UNC13C: variants seen among roughly 807,000 people sequenced by gnomAD.
The protein encoded by UNC13C is unc-13 homolog C.
A neutral mutation model predicts 245.4 loss-of-function variants in UNC13C; 174 were observed. The observed-to-expected ratio is 0.71, with a 90% CI of 0.63 to 0.80. The LOEUF is 0.80. Among genes scored for constraint, UNC13C ranks in the 30% least tolerant of loss-of-function variants. The pLI is 0.00. For missense variants in UNC13C, 2,829 were observed against 2,602.9 expected (o/e 1.09, Z -1.89); for synonymous variants, 992 against 895.1 (o/e 1.11, Z -1.93).
intron 4 of UNC13C, among the ~76,000 whole-genome samples, chr15:54,225,776 C>T (rs904451139): frequency 1.2e-4 from 19 of 152,122 alleles, no homozygotes; most frequent in Admixed American, 1.2e-3. Flanking sequence ...GACTTCTTGT[C>T]TTCCCATTTG....
chr15:53,951,067 G>A, the UNC13C span, among the ~76,000 whole-genome samples: 10 of 152,150 alleles, frequency 6.6e-5, no homozygotes, highest in African/African-American at 2.4e-4. Flanking sequence ...TGTAAAATAT[G>A]AGCAGTAAAT....
At chr15:53,962,574 C>T in the UNC13C span, among the ~76,000 whole-genome samples, 2 of 152,120 alleles carry the variant, frequency 1.3e-5, no homozygotes, top group Non-Finnish European at 2.9e-5. Context: ...TTCCCTTAGC[C>T]CTAATAGATG....
intron 8 of UNC13C, 123 bp from the exon 9 acceptor site, chr15:54,264,045 C>T: frequency 1.1e-6 from 1 of 919,314 alleles, no homozygotes; most frequent in Non-Finnish European, 1.7e-6. Context: ...TCTAAAAAGC[C>T]ACCTGACTCC....
At chr15:54,465,100 G>A (rs188564393) in intron 19 of UNC13C, among the ~76,000 whole-genome samples, 140 of 151,992 alleles carry the variant, frequency 9.2e-4, no homozygotes, top group Non-Finnish European at 1.4e-3. Flanking sequence ...TCTGCTTTTG[G>A]AATATGCTTG....
intron 6 of UNC13C, 134 bp downstream of exon 6, chr15:54,236,569 G>A: frequency 1.4e-6 from 1 of 706,826 alleles, no homozygotes; most frequent in Non-Finnish European, 2.2e-6. Flanking sequence ...AGTTTGTTCT[G>A]CAAGAATTTA....
chr15:54,263,968 C>A (rs539597364), intron 8 of UNC13C, among the ~76,000 whole-genome samples, 200 bp from the exon 9 acceptor site: 2 of 152,156 alleles, frequency 1.3e-5, no homozygotes, highest in African/African-American at 4.8e-5. Flanking sequence ...GGTCAATTTA[C>A]CTGCCAATAA....
intron 2 of UNC13C, among the ~76,000 whole-genome samples, chr15:54,027,351 A>G (rs1368482081): frequency 6.6e-6 from 1 of 152,040 alleles, no homozygotes; most frequent in Non-Finnish European, 1.5e-5. Flanking sequence ...GTCAAACAAG[A>G]TATCCTGTTG....
At chr15:54,508,131 A>ACT (rs573806392) in intron 23 of UNC13C, among the ~76,000 whole-genome samples, 24 of 151,658 alleles carry the variant, frequency 1.6e-4, no homozygotes, top group Admixed American at 3.3e-4. Flanking sequence ...AACTCAAACA[A>ACT]TTATTTCTTA....
At chr15:53,924,176 C>T in the UNC13C span, among the ~76,000 whole-genome samples, 1 of 152,234 alleles carries the variant, frequency 6.6e-6, no homozygotes, top group East Asian at 1.9e-4. Context: ...CATTGCACTC[C>T]AACCTGGGCA....
chr15:54,401,864 G>C (rs575436058), intron 18 of UNC13C, among the ~76,000 whole-genome samples: 32 of 152,116 alleles, frequency 2.1e-4, no homozygotes, highest in Admixed American at 3.9e-4. Flanking sequence ...CTTTTCTTGG[G>C]TTCCAGTACA....
chr15:54,322,349 A>G (rs1596217401), intron 14 of UNC13C, among the ~76,000 whole-genome samples: 1 of 152,072 alleles, frequency 6.6e-6, no homozygotes, highest in African/African-American at 2.4e-5. Context: ...CATACATTTT[A>G]TAAGAGAATG....
intron 19 of UNC13C, among the ~76,000 whole-genome samples, chr15:54,470,667 TC>T (rs2141042200): frequency 6.6e-6 from 1 of 151,548 alleles, no homozygotes; most frequent in African/African-American, 2.4e-5. Flanking sequence ...TAAGATTTTT[TC>T]AATTTTGTTT....
the UNC13C span, among the ~76,000 whole-genome samples, chr15:53,936,220 G>A: frequency 1.9e-4 from 29 of 152,276 alleles, no homozygotes; most frequent in African/African-American, 6.5e-4. Flanking sequence ...GGGGAGTCTG[G>A]GCAGTCCAGA....
chr15:54,393,466 C>A (rs1409426386), intron 18 of UNC13C, among the ~76,000 whole-genome samples: 1 of 151,550 alleles, frequency 6.6e-6, no homozygotes, highest in Non-Finnish European at 1.5e-5. Flanking sequence ...CATAGCTATA[C>A]CATTGTCTCA....
At chr15:54,362,058 C>T (rs947095061) in intron 17 of UNC13C, among the ~76,000 whole-genome samples, 1 of 152,204 alleles carries the variant, frequency 6.6e-6, no homozygotes, top group African/African-American at 2.4e-5. Flanking sequence ...ATTGTACCTA[C>T]TGTAGCTCTA....
intron 29 of UNC13C, among the ~76,000 whole-genome samples, chr15:54,562,309 A>C (rs986180296): frequency 1.3e-5 from 2 of 152,054 alleles, no homozygotes; most frequent in African/African-American, 4.8e-5. Context: ...GAATTAACTG[A>C]TAGCCTAAGA....
chr15:54,627,594 G>T lies in UNC13C; in HGVS notation c.*481G>T, dbSNP rs772181301. 5 of 152,836 alleles carry T rather than the reference G, an allele frequency of 3.3e-5. No homozygotes were observed. Among genetic ancestry groups the T allele is most frequent in the Non-Finnish European group, 7.3e-5 (5 of 68,218 alleles). The allele number at this position is 152,836 out of a possible 1,614,324, so 9.5% of individuals were successfully genotyped here. On this transcript the variant is annotated 3_prime_UTR_variant, in exon 33 of 33. Transcript: ENST00000260323. The stretch of plus-strand genomic sequence containing the variant: ...AGAAAGCATTTGTAATTTTATAGTC[G>T]CAGATATTGTGATTTTTGCATACAC...
chr15:54,619,330 C>T (rs1241395401), intron 30 of UNC13C, among the ~76,000 whole-genome samples: 1 of 152,150 alleles, frequency 6.6e-6, no homozygotes, highest in Non-Finnish European at 1.5e-5. Context: ...TCAGTAATTG[C>T]TTAGATTAAC....
At chr15:54,029,805 T>A (rs967044679) in intron 2 of UNC13C, among the ~76,000 whole-genome samples, 1 of 152,174 alleles carries the variant, frequency 6.6e-6, no homozygotes, top group Non-Finnish European at 1.5e-5. Context: ...AGCCTTGCTC[T>A]GATTTCAGCT....
Sources: gnomAD v4.1 joint callset for allele counts (sites outside exome capture counted in the v4.1 genomes callset) on GRCh38, gnomAD v4.1.1 for gene constraint, MANE v1.5 for transcripts, NCBI Gene and HGNC (gene_info 2026-07-23, HGNC 2026-07-21) for gene names.